Variants in SYNPO2 observed in about 807,000 individuals in gnomAD.
SYNPO2 encodes the protein synaptopodin-2.
SYNPO2 carries 56 observed loss-of-function variants against 85.0 expected under a neutral mutation model. That is an observed-to-expected ratio of 0.66 (90% CI 0.53 to 0.82). The LOEUF is 0.82. Ranked by LOEUF, SYNPO2 falls within the 40% of genes least tolerant of loss-of-function variation. The pLI is 0.00. For synonymous variants in SYNPO2, 602 were observed against 591.1 expected (o/e 1.02, Z -0.27); for missense variants, 1,575 against 1,534.2 (o/e 1.03, Z -0.44).
upstream of SYNPO2, chr4:118,888,768 G>A (rs1732258471): frequency 2.1e-6 from 1 of 476,010 alleles, no homozygotes; most frequent in South Asian, 2.7e-5. Flanking sequence ...TCGAAGGTGG[G>A]CCGAGCAAAG....
intron 1 of SYNPO2, among the ~76,000 whole-genome samples, chr4:118,995,529 A>G (rs934336827): frequency 1.3e-5 from 2 of 152,220 alleles, no homozygotes; most frequent in Non-Finnish European, 2.9e-5. Flanking sequence ...GCTCCAAGTT[A>G]CACAGTTAGT....
chr4:119,025,930 A>C (rs932604375), intron 2 of SYNPO2, among the ~76,000 whole-genome samples: 1 of 152,196 alleles, frequency 6.6e-6, no homozygotes, highest in African/African-American at 2.4e-5. Context: ...GAGATAAAGG[A>C]ACAGTTTGAC....
chr4:119,033,019 C>A, intron 4 of SYNPO2: 1 of 970,710 alleles, frequency 1.0e-6, no homozygotes, highest in South Asian at 4.9e-5. Context: ...TCAGCTGAGG[C>A]AAGTGGTAGA....
intron 1 of SYNPO2, among the ~76,000 whole-genome samples, chr4:119,016,417 C>A (rs369172579): frequency 5.7e-4 from 80 of 139,688 alleles, no homozygotes; most frequent in Admixed American, 6.4e-4. Context: ...GACTCCATTT[C>A]AAAAAAAAAA....
At chr4:118,859,066 G>C (rs184813370) in intron 1 of SYNPO2, among the ~76,000 whole-genome samples, 82 of 152,262 alleles carry the variant, frequency 5.4e-4, no homozygotes, top group African/African-American at 1.9e-3. Flanking sequence ...ACACATCCAT[G>C]AGCATGGAAA....
At chr4:118,933,829 G>GTTTTT (rs71595334) in intron 1 of SYNPO2, among the ~76,000 whole-genome samples, 69,658 of 102,354 alleles carry the variant, frequency 0.68, 22,917 homozygotes, top group South Asian at 0.82. Context: ...TGTTGTTGTT[G>GTTTTT]TTTTTTTTTT....
intron 1 of SYNPO2, among the ~76,000 whole-genome samples, chr4:118,947,754 A>G (rs1734555409): frequency 6.6e-6 from 1 of 152,216 alleles, no homozygotes; most frequent in African/African-American, 2.4e-5. Flanking sequence ...ATTCTGGCAT[A>G]TGCTTTCATA....
chr4:118,941,427 G>A (rs910091265), intron 1 of SYNPO2, among the ~76,000 whole-genome samples: 2 of 152,194 alleles, frequency 1.3e-5, no homozygotes, highest in Non-Finnish European at 2.9e-5. Flanking sequence ...CCTAATAAGA[G>A]AGATCAAACC....
upstream of SYNPO2, among the ~76,000 whole-genome samples, chr4:118,887,166 A>AGTGTGTGTGTGTGTGTGTGT (rs71595329): frequency 4.3e-5 from 6 of 139,142 alleles, no homozygotes; most frequent in African/African-American, 1.6e-4. Context: ...CATCTGAGTG[A>AGTGTGTGTGTGTGTGTGTGT]GTGTGTGTGT....
chr4:118,902,735 C>T (rs1578534288), intron 1 of SYNPO2, among the ~76,000 whole-genome samples: 1 of 152,128 alleles, frequency 6.6e-6, no homozygotes, highest in African/African-American at 2.4e-5. Context: ...GTATTCTCCC[C>T]GTGAGAGAAG....
chr4:118,874,508 G>C (rs749552190), intron 1 of SYNPO2, among the ~76,000 whole-genome samples: 18 of 152,200 alleles, frequency 1.2e-4, no homozygotes, highest in Non-Finnish European at 2.2e-4. Flanking sequence ...TGGACACCAT[G>C]TGATACAACT....
chr4:118,973,313 T>A lies in SYNPO2; in HGVS notation c.106-50117T>A, dbSNP rs376687054. On this transcript the variant is annotated intron_variant, in intron 1 of 4. Coordinates refer to ENST00000307142, the MANE Select transcript of SYNPO2 (RefSeq NM_133477.3). ...TTTCTCAGCATTTTAAAAAGTAGTT[T>A]TATTATACATATATACGTATAATGA... Among the ~76,000 whole-genome samples, 3 of 152,218 alleles carry A rather than the reference T, an allele frequency of 2.0e-5. No individual in the cohort carries two copies. The East Asian group carries it at 5.8e-4, about 29-fold the overall frequency.
intron 1 of SYNPO2, among the ~76,000 whole-genome samples, chr4:118,877,328 A>C (rs1731944558): frequency 1.3e-5 from 2 of 152,188 alleles, no homozygotes; most frequent in Admixed American, 6.5e-5. Context: ...AGACACCAAA[A>C]GCAATTTTTA....
chr4:118,965,687 T>A (rs1336009488), intron 1 of SYNPO2, among the ~76,000 whole-genome samples: 1 of 152,190 alleles, frequency 6.6e-6, no homozygotes, highest in Non-Finnish European at 1.5e-5. Context: ...CTGCTATGTA[T>A]CAGGCACTAT....
intron 1 of SYNPO2, among the ~76,000 whole-genome samples, chr4:118,931,500 A>G (rs2149133305): frequency 1.3e-5 from 2 of 152,336 alleles, no homozygotes; most frequent in Admixed American, 1.3e-4. Context: ...ATGTGCTCCC[A>G]AGGAGCTTTA....
At chr4:119,037,256 A>G in intron 4 of SYNPO2, 4 of 1,471,338 alleles carry the variant, frequency 2.7e-6, no homozygotes, top group South Asian at 1.5e-5. Context: ...CACATCTCCT[A>G]TTTCTTGGGC....
chr4:118,994,774 G>A (rs72671657), intron 1 of SYNPO2, among the ~76,000 whole-genome samples: 31,429 of 152,044 alleles, frequency 0.21, 3,586 homozygotes, highest in South Asian at 0.33. Context: ...AATCGTAGGT[G>A]TTATAGAAAA....
At chr4:118,878,663 T>C (rs1448375101) in intron 1 of SYNPO2, among the ~76,000 whole-genome samples, 2 of 152,036 alleles carry the variant, frequency 1.3e-5, no homozygotes, top group Non-Finnish European at 2.9e-5. Context: ...ATCAGCACTC[T>C]GTAAAAACGC....
At chr4:119,039,545 T>G (rs1738641988) in intron 4 of SYNPO2, among the ~76,000 whole-genome samples, 1 of 152,192 alleles carries the variant, frequency 6.6e-6, no homozygotes, top group Non-Finnish European at 1.5e-5. Flanking sequence ...ATCAGCCTAT[T>G]TGCTTATTAC....
Sources: allele counts gnomAD v4.1 joint callset (sites outside exome capture counted in the v4.1 genomes callset), GRCh38; gene constraint gnomAD v4.1.1; transcripts MANE v1.5; gene names NCBI Gene and HGNC (gene_info 2026-07-23, HGNC 2026-07-21).